The following ADAMTSL1 variants were observed in gnomAD, a reference collection of about 807,000 sequenced individuals.
The protein encoded by ADAMTSL1 is ADAMTS-like protein 1.
A neutral mutation model predicts 201.8 loss-of-function variants in ADAMTSL1; 126 were observed. That is an observed-to-expected ratio of 0.62 (90% CI 0.54 to 0.72). The LOEUF is 0.72. Among genes scored for constraint, ADAMTSL1 ranks in the 30% least tolerant of loss-of-function variants. ADAMTSL1 has a pLI of 0.00. For synonymous variants in ADAMTSL1, 1,121 were observed against 903.4 expected (o/e 1.24, Z -4.32); for missense variants, 2,679 against 2,277.8 (o/e 1.18, Z -3.59).
chr9:18,112,875 A>G (rs911751287), intron 1 of ADAMTSL1, among the ~76,000 whole-genome samples: 3 of 152,192 alleles, frequency 2.0e-5, no homozygotes, highest in African/African-American at 4.8e-5. Context: ...TTGAATTAGT[A>G]GTCATCTTTG....
chr9:18,424,433 A>G (rs756584296), intron 2 of ADAMTSL1, among the ~76,000 whole-genome samples: 1 of 152,200 alleles, frequency 6.6e-6, no homozygotes, highest in Non-Finnish European at 1.5e-5. Context: ...AACAGTGAAC[A>G]TGCATCTCCT....
At chr9:18,274,643 A>T (rs939304070) in intron 2 of ADAMTSL1, among the ~76,000 whole-genome samples, 3 of 152,214 alleles carry the variant, frequency 2.0e-5, no homozygotes, top group Admixed American at 6.5e-5. Flanking sequence ...TTATTATATA[A>T]TAAGTGCACA....
chr9:18,894,580 G>GTA, intron 26 of ADAMTSL1, among the ~76,000 whole-genome samples: 1 of 151,840 alleles, frequency 6.6e-6, no homozygotes, highest in East Asian at 1.9e-4. Flanking sequence ...GTCAAAATTT[G>GTA]ACTGGAGGTT....
intron 1 of ADAMTSL1, among the ~76,000 whole-genome samples, chr9:17,929,157 A>T (rs1036339110): frequency 2.6e-5 from 4 of 152,188 alleles, no homozygotes; most frequent in African/African-American, 9.7e-5. Flanking sequence ...ACACAAACAT[A>T]TTAATAGCTC....
At position 18,826,345 on chromosome 9, in the gene ADAMTSL1, T is replaced by G; in HGVS notation, c.3996T>G (p.His1332Gln). 6.2e-7 allele frequency: 1 copy of G among 1,613,520 alleles called. No individual in the cohort carries two copies. Among genetic ancestry groups the G allele is most frequent in the Non-Finnish European group, 8.5e-7 (1 of 1,179,750 alleles). ...RNKSKLGSPHHLHEGSLLLTN... is the reference protein window; with the variant it reads ...RNKSKLGSPHQLHEGSLLLTN... ...AAAGCAAACTGGGCTCCCCGCACCA[T>G]CTGCACGAAGGCTCCTTGCTGCTCA... Residue 1332 changes from histidine to glutamine, a missense_variant, in exon 22 of 29, where the codon CAT (histidine) becomes CAG (glutamine). Coordinates refer to ENST00000380548, the MANE Select transcript of ADAMTSL1 (RefSeq NM_001040272.6).
At chr9:18,819,117 C>A (rs1824043810) in intron 21 of ADAMTSL1, among the ~76,000 whole-genome samples, 1 of 152,030 alleles carries the variant, frequency 6.6e-6, no homozygotes, top group Admixed American at 6.6e-5. Context: ...ATATGATGGA[C>A]CATGTTGTGT....
At chr9:18,173,505 TTC>T (rs1317710609) in intron 2 of ADAMTSL1, among the ~76,000 whole-genome samples, 5 of 152,126 alleles carry the variant, frequency 3.3e-5, no homozygotes, top group Non-Finnish European at 7.4e-5. Flanking sequence ...GGAAAAATAA[TTC>T]TTTTTTCTTT....
intron 1 of ADAMTSL1, among the ~76,000 whole-genome samples, chr9:18,134,140 C>A (rs1587128874): frequency 6.6e-6 from 1 of 152,162 alleles, no homozygotes; most frequent in African/African-American, 2.4e-5. Context: ...CAGTGCAATT[C>A]TGGTCATTTA....
At chr9:18,362,103 A>G (rs1489938790) in intron 2 of ADAMTSL1, 2 of 152,144 alleles carry the variant, frequency 1.3e-5, no homozygotes, top group African/African-American at 4.8e-5. Context: ...TTCTCACTGT[A>G]AGGTTCTTCA....
At chr9:18,422,190 C>G (rs1224117384) in intron 2 of ADAMTSL1, among the ~76,000 whole-genome samples, 1 of 152,110 alleles carries the variant, frequency 6.6e-6, no homozygotes, top group Non-Finnish European at 1.5e-5. Context: ...CATACACACA[C>G]ACACACACAA....
chr9:18,734,493 A>G (rs765902413), intron 15 of ADAMTSL1, among the ~76,000 whole-genome samples: 1 of 152,176 alleles, frequency 6.6e-6, no homozygotes, highest in Non-Finnish European at 1.5e-5. Context: ...GCAAACATTT[A>G]TAAAATTCTT....
intron 16 of ADAMTSL1, among the ~76,000 whole-genome samples, chr9:18,766,914 G>C (rs1036040149): frequency 6.6e-6 from 1 of 152,202 alleles, no homozygotes; most frequent in African/African-American, 2.4e-5. Context: ...AAAGGCAAGA[G>C]ATGATGGATT....
intron 16 of ADAMTSL1, among the ~76,000 whole-genome samples, chr9:18,760,036 A>T (rs1819978854): frequency 6.6e-6 from 1 of 152,062 alleles, no homozygotes; most frequent in African/African-American, 2.4e-5. Context: ...ACATGTTTCT[A>T]AGTTACCTCA....
chr9:18,091,507 A>AG (rs1824016747), intron 1 of ADAMTSL1, among the ~76,000 whole-genome samples: 1 of 152,178 alleles, frequency 6.6e-6, no homozygotes, highest in Admixed American at 6.6e-5. Context: ...TCTGTAAATC[A>AG]GGACCTTCCT....
rs758742946 is a variant in ADAMTSL1, at chr9:18,574,160, G to A, written c.368G>A (p.Cys123Tyr). The change falls in exon 4 of 29, where the codon TGC becomes TAC. Residue 123 changes from cysteine (C) to tyrosine (Y), a missense_variant. By Grantham distance (194) the Cys-to-Tyr change is radical (BLOSUM62 -2). Coordinates refer to ENST00000380548, the MANE Select transcript of ADAMTSL1 (RefSeq NM_001040272.6). ...CCTGACAACCCATGTTCACTCAAGTGCCAAGCCAAAGGAACAACCCTGGTT... is the reference window on the plus strand; with the variant it reads ...CCTGACAACCCATGTTCACTCAAGTACCAAGCCAAAGGAACAACCCTGGTT... ...NDPDNPCSLK[C>Y]QAKGTTLVVE... 1 of 1,614,136 alleles carries A rather than the reference G, an allele frequency of 6.2e-7. No homozygotes were observed. Among genetic ancestry groups the A allele is most frequent in the African/African-American group, 1.3e-5 (1 of 75,028 alleles).
At chr9:18,542,218 A>G (rs35116229) in intron 3 of ADAMTSL1, among the ~76,000 whole-genome samples, 37,874 of 151,992 alleles carry the variant, frequency 0.25, 5,269 homozygotes, top group East Asian at 0.62. Context: ...AGGTTGGGAG[A>G]AAACATTTTA....
intron 20 of ADAMTSL1, among the ~76,000 whole-genome samples, chr9:18,812,683 A>C (rs186213063): frequency 1.3e-5 from 2 of 152,126 alleles, no homozygotes; most frequent in Admixed American, 6.5e-5. Context: ...TGGGTCTTAC[A>C]TTTAAATCTT....
intron 1 of ADAMTSL1, among the ~76,000 whole-genome samples, chr9:18,052,141 C>T (rs1821967127): frequency 1.3e-5 from 2 of 152,228 alleles, no homozygotes; most frequent in Non-Finnish European, 2.9e-5. Flanking sequence ...CATTGTCATA[C>T]TTCTATCAGT....
chr9:18,523,400 A>C (rs1356924599), intron 2 of ADAMTSL1, among the ~76,000 whole-genome samples: 1 of 152,146 alleles, frequency 6.6e-6, no homozygotes, highest in Non-Finnish European at 1.5e-5. Flanking sequence ...TTGCCTGTTC[A>C]CTATGATGGT....
Sources: allele counts gnomAD v4.1 joint callset (sites outside exome capture counted in the v4.1 genomes callset), GRCh38; gene constraint gnomAD v4.1.1; transcripts MANE v1.5; gene names NCBI Gene and HGNC (gene_info 2026-07-23, HGNC 2026-07-21).